The following EXOSC2 variants were observed in gnomAD, a reference collection of about 807,000 sequenced individuals.
EXOSC2 encodes the protein exosome component 2.
In EXOSC2, 29 loss-of-function variants were observed where a neutral mutation model predicts 37.6. That is an observed-to-expected ratio of 0.77 (90% CI 0.57 to 1.05). The LOEUF (loss-of-function observed/expected upper bound fraction) is 1.05, where lower values mean the gene tolerates loss of function less well. Among genes scored for constraint, EXOSC2 ranks in the 50% least tolerant of loss-of-function variants. The pLI is 0.00. For synonymous variants in EXOSC2, 119 were observed against 131.1 expected (o/e 0.91, Z 0.63); for missense variants, 346 against 365.6 (o/e 0.95, Z 0.44).
chr9:130,697,486 G>C (rs967300589), intron 2 of EXOSC2, 96 bp from the exon 3 acceptor site: 10 of 1,236,756 alleles, frequency 8.1e-6, no homozygotes, highest in Non-Finnish European at 1.2e-5. Context: ...GCCTGTTCCA[G>C]GCTTTCACCC....
In EXOSC2 at chr9:130,697,835, C is replaced by T. The variant is rs533217943; in HGVS notation, c.270+208C>T. On this transcript the variant is annotated intron_variant, in intron 3 of 8. Coordinates refer to ENST00000372358, the MANE Select transcript of EXOSC2 (RefSeq NM_014285.7). ...TTGAGATGGAGTCTCGCTCTGTCGC[C>T]CAGGCTGGAGTGCAGTGGCATGATC... is the stretch of plus-strand genomic sequence containing the variant. 3 of 577,878 alleles carry T rather than the reference C, an allele frequency of 5.2e-6. No homozygotes were observed. The South Asian group carries it at 6.0e-5, about 12-fold the overall frequency. 35.8% of individuals were successfully genotyped at this position (577,878 alleles called of 1,614,324 possible). A position where few individuals can be genotyped will look rare whatever the true frequency, so the allele number is the denominator to read the frequency against.
At chr9:130,702,446 A>G (rs774432980) in intron 7 of EXOSC2, 136 bp downstream of exon 7, 592 of 678,480 alleles carry the variant, frequency 8.7e-4, no homozygotes, top group Non-Finnish European at 1.3e-3. Context: ...CCATCACGGT[A>G]TGTTCATGAA....
rs936060215 is a variant in EXOSC2 at position 130,698,714 on chromosome 9, C to T, written c.360+463C>T. ...CCTTTTGTAAAATGCCATGGTTCAC[C>T]TTGATCTTCAGTCCAGCGTGTATTT... On this transcript the variant is annotated intron_variant, in intron 4 of 8. Coordinates refer to ENST00000372358, the MANE Select transcript of EXOSC2 (RefSeq NM_014285.7). This position sits in a 1 kb window ranked among gnomAD's most constrained non-coding sequence, Gnocchi z 4.1. Among the ~76,000 whole-genome samples, 1 of 152,184 alleles carries T rather than the reference C, an allele frequency of 6.6e-6. No homozygotes were observed. The highest frequency in any genetic ancestry group is 2.4e-5 in the African/African-American group (1 of 41,434).
chr9:130,702,352 C>T (rs1028764614), intron 7 of EXOSC2, 42 bp downstream of exon 7: 3 of 1,555,502 alleles, frequency 1.9e-6, no homozygotes, highest in Admixed American at 3.6e-5. Flanking sequence ...ATGGAGGGGG[C>T]TCAGTCTTTG....
Position 130,694,876 on chromosome 9 carries a change from G to GC in EXOSC2, c.123-616_123-615insC. Among the ~76,000 whole-genome samples, 1 of 144,624 alleles carries GC rather than the reference G, an allele frequency of 6.9e-6. No homozygotes were observed. Among genetic ancestry groups the GC allele is most frequent in the East Asian group, 2.0e-4 (1 of 4,988 alleles). The allele number at this position is 144,624 out of a possible 152,430, so 94.9% of individuals were successfully genotyped here. A position where few individuals can be genotyped will look rare whatever the true frequency, so the allele number is the denominator to read the frequency against. ...CGCCACCATGCCTAGCTAATTTTTG[G>GC]TTTTTTTTTTTTTTAGTAGAGACAG... On this transcript the variant is annotated intron_variant, in intron 1 of 8. Coordinates refer to ENST00000372358, the MANE Select transcript of EXOSC2 (RefSeq NM_014285.7). This position sits in a 1 kb window ranked among gnomAD's most constrained non-coding sequence, Gnocchi z 4.0.
At chr9:130,703,639 GT>G in intron 8 of EXOSC2, 54 bp from the exon 9 acceptor site, 1 of 1,371,548 alleles carries the variant, frequency 7.3e-7, no homozygotes, top group Non-Finnish European at 1.0e-6. Flanking sequence ...GATTGGCTTG[GT>G]GGTCTGTTTA....
chr9:130,703,109 G>T lies in EXOSC2; in HGVS notation c.729G>T (p.Ser243=), dbSNP rs376732746. 4.6e-5 allele frequency: 74 copies of T among 1,613,650 alleles called. No individual in the cohort carries two copies. Among genetic ancestry groups the T allele is most frequent in the Non-Finnish European group, 6.3e-5 (74 of 1,179,880 alleles). Residue 243 remains serine (S), a synonymous_variant, in exon 8 of 9, where the codon TCG becomes TCT. Transcript: ENST00000372358. ...CCCGGCTTCGGAACTGCATCATCTC[G>T]CTGGTAACTCAGAGGATGATGCTGT... ...VISRLRNCII[S]LVTQRMMLYD... is the part of the protein sequence containing the mutation.
In EXOSC2 at chr9:130,695,738, G is replaced by T. The variant is rs537482228; in HGVS notation, c.224+145G>T. The T allele has an allele frequency of 1.7e-5, 12 of 688,902 alleles. No individual in the cohort carries two copies. The African/African-American group carries it at 1.8e-4, about 10-fold the overall frequency. 42.7% of individuals were successfully genotyped at this position (688,902 alleles called of 1,614,324 possible). Reference sequence around the variant, plus strand: ...GGTTTTGACCATGACTGTAGGTGGGGTGGTGCAGATCAGTGCAGGCTTCAG... The same window carrying T: ...GGTTTTGACCATGACTGTAGGTGGGTTGGTGCAGATCAGTGCAGGCTTCAG... On this transcript the variant is annotated intron_variant, in intron 2 of 8. Transcript: ENST00000372358.
chr9:130,693,774 C>A, upstream of EXOSC2: 1 of 1,597,800 alleles, frequency 6.3e-7, no homozygotes, highest in Non-Finnish European at 8.6e-7. Context: ...TGCGCCTGCG[C>A]AACTCATTGG....
intron 8 of EXOSC2, 61 bp downstream of exon 8, chr9:130,703,242 A>G: frequency 6.4e-7 from 1 of 1,555,544 alleles, no homozygotes; most frequent in Non-Finnish European, 8.7e-7. Flanking sequence ...TTGTTTGTTC[A>G]GAGACAATAT....
chr9:130,697,695 C>A lies in EXOSC2; in HGVS notation c.270+68C>A. On this transcript the variant is annotated intron_variant, in intron 3 of 8. Coordinates refer to ENST00000372358, the MANE Select transcript of EXOSC2 (RefSeq NM_014285.7). ...CTGGCGATTTCATTCATGGGACAGT[C>A]ATTCCACTTGTAGTTACATGAAAAA... 4.2e-6 allele frequency: 6 copies of A among 1,428,750 alleles called. No individual in the cohort carries two copies. In the South Asian group the frequency reaches 4.6e-5, roughly 11 times the overall value. 88.5% of individuals were successfully genotyped at this position (1,428,750 alleles called of 1,614,324 possible).
rs372332656 is a variant in EXOSC2, at chr9:130,704,618, C to G, written c.*844C>G. 8.6e-5 allele frequency: 13 copies of G among 152,040 alleles called. 1 individual carries two copies. Among genetic ancestry groups the G allele is most frequent in the Admixed American group, 5.9e-4 (9 of 15,246 alleles). The allele number at this position is 152,040 out of a possible 1,614,324, so 9.4% of individuals were successfully genotyped here. On this transcript the variant is annotated 3_prime_UTR_variant, in exon 9 of 9. Coordinates refer to ENST00000372358, the MANE Select transcript of EXOSC2 (RefSeq NM_014285.7). Reference sequence around the variant, plus strand: ...TTGTAGCCATAGATGTGATTATGTCCACACCGGGCTGCCTTAATCTGTCCT... The same window carrying G: ...TTGTAGCCATAGATGTGATTATGTCGACACCGGGCTGCCTTAATCTGTCCT...
At position 130,703,084 on chromosome 9, in the gene EXOSC2, C is replaced by T. The variant is rs778339353; in HGVS notation, c.704C>T (p.Ser235Phe). 6.2e-7 allele frequency: 1 copy of T among 1,613,840 alleles called. No homozygotes were observed. Among genetic ancestry groups the T allele is most frequent in the South Asian group, 1.1e-5 (1 of 91,050 alleles). The change falls in exon 8 of 9, where the codon TCC (serine) becomes TTC (phenylalanine). Residue 235 changes from serine to phenylalanine, a missense_variant. Ser to Phe is a radical substitution (Grantham distance 155). Coordinates refer to ENST00000372358, the MANE Select transcript of EXOSC2 (RefSeq NM_014285.7). ...TCTCTTGCTGATCGAGAGGTGATAT[C>T]CCGGCTTCGGAACTGCATCATCTCG... ...PVSLADREVISRLRNCIISLV... is the reference protein window; with the variant it reads ...PVSLADREVIFRLRNCIISLV...
intron 5 of EXOSC2, among the ~76,000 whole-genome samples, chr9:130,700,369 A>ATTT (rs200890735): frequency 3.1e-5 from 4 of 128,262 alleles, no homozygotes; most frequent in African/African-American, 1.2e-4. Flanking sequence ...TTATTTATTT[A>ATTT]TTTTTTTGAG....
intron 7 of EXOSC2, 126 bp downstream of exon 7, chr9:130,702,436 C>G: frequency 1.4e-6 from 1 of 714,524 alleles, no homozygotes; most frequent in Admixed American, 2.8e-5. Flanking sequence ...CTTTGACTTT[C>G]CATCACGGTA....
At chr9:130,695,171 C>T (rs1430393329) in intron 1 of EXOSC2, among the ~76,000 whole-genome samples, 2 of 152,034 alleles carry the variant, frequency 1.3e-5, no homozygotes, top group Non-Finnish European at 2.9e-5. Flanking sequence ...GAATGTTAGG[C>T]AATAATGCAA....
chr9:130,703,072 G>A lies in EXOSC2; in HGVS notation c.692G>A (p.Arg231Gln), dbSNP rs949105111. The change falls in exon 8 of 9, where the codon CGA (arginine) becomes CAA (glutamine). Residue 231 changes from arginine (R) to glutamine (Q), a missense_variant. By Grantham distance (43) the Arg-to-Gln change is conservative. Transcript: ENST00000372358. The part of the protein sequence containing the change: ...ANLEPVSLAD[R>Q]EVISRLRNCI... Reference sequence around the variant, plus strand: ...TTATAGCCTGTCTCTCTTGCTGATCGAGAGGTGATATCCCGGCTTCGGAAC... The same window carrying A: ...TTATAGCCTGTCTCTCTTGCTGATCAAGAGGTGATATCCCGGCTTCGGAAC... The A allele has an allele frequency of 1.9e-6, 3 of 1,613,456 alleles. No homozygotes were observed. Among genetic ancestry groups the A allele is most frequent in the East Asian group, 2.2e-5 (1 of 44,864 alleles).
chr9:130,701,740 C>A, intron 6 of EXOSC2: 2 of 856,258 alleles, frequency 2.3e-6, no homozygotes, highest in East Asian at 1.1e-4. Flanking sequence ...ACACATCTCA[C>A]AGGCAAGATG....
intron 2 of EXOSC2, among the ~76,000 whole-genome samples, chr9:130,696,005 C>T (rs1410426970): frequency 9.9e-5 from 15 of 151,892 alleles, no homozygotes; most frequent in Non-Finnish European, 1.3e-4. Flanking sequence ...GGATTACAGG[C>T]GCCCTCCACC....
Sources: gnomAD v4.1 joint callset for allele counts (sites outside exome capture counted in the v4.1 genomes callset) on GRCh38, gnomAD v4.1.1 for gene constraint, Gnocchi (gnomAD v3.1) non-coding constraint, MANE v1.5 for transcripts, NCBI Gene and HGNC (gene_info 2026-07-23, HGNC 2026-07-21) for gene names.